The following ELAVL4 variants were observed in gnomAD, a reference collection of about 807,000 sequenced individuals.
ELAVL4 encodes ELAV-like protein 4.
ELAVL4 carries 1 observed loss-of-function variant against 35.6 expected under a neutral mutation model. That is an observed-to-expected ratio of 0.03 (90% CI 0.01 to 0.13). The LOEUF is 0.13. Ranked by LOEUF, ELAVL4 falls within the 10% of genes least tolerant of loss-of-function variation. The pLI is 1.00. For missense variants in ELAVL4, 267 were observed against 464.9 expected (o/e 0.57, Z 3.91); for synonymous variants, 156 against 171.0 (o/e 0.91, Z 0.69).
chr1:50,190,832 T>G (rs1682554367), intron 3 of ELAVL4, among the ~76,000 whole-genome samples: 1 of 152,232 alleles, frequency 6.6e-6, no homozygotes, highest in South Asian at 2.1e-4. Context: ...ATGCATTTAT[T>G]GGGTGCCAGG....
intron 2 of ELAVL4, among the ~76,000 whole-genome samples, chr1:50,169,400 C>A (rs981998839): frequency 6.6e-6 from 1 of 152,114 alleles, no homozygotes; most frequent in Non-Finnish European, 1.5e-5. Flanking sequence ...TATTTAAAAA[C>A]CATCATACCT....
chr1:50,088,809 C>T (rs1257303741), intron 1 of ELAVL4, among the ~76,000 whole-genome samples: 2 of 152,188 alleles, frequency 1.3e-5, no homozygotes, highest in Non-Finnish European at 2.9e-5. Context: ...CACAGCCAGT[C>T]AGCACCTCTC....
chr1:50,076,432 T>G (rs1447665512), intron 1 of ELAVL4, among the ~76,000 whole-genome samples: 1 of 152,270 alleles, frequency 6.6e-6, no homozygotes, highest in Non-Finnish European at 1.5e-5. Flanking sequence ...GATCTCTTAC[T>G]GTGCTTACTT....
intron 1 of ELAVL4, among the ~76,000 whole-genome samples, chr1:50,068,127 G>C (rs892231764): frequency 6.6e-6 from 1 of 152,148 alleles, no homozygotes; most frequent in Non-Finnish European, 1.5e-5. Flanking sequence ...TCATCATTAA[G>C]TGCTGTAAGG....
chr1:50,132,233 C>A (rs1670983191), intron 1 of ELAVL4, among the ~76,000 whole-genome samples: 1 of 152,150 alleles, frequency 6.6e-6, no homozygotes. Context: ...TTGACAGTGT[C>A]ATACATTCAC....
rs141612614 is a variant in ELAVL4, at chr1:50,049,662, A to G, written c.18+1480A>G. Among the ~76,000 whole-genome samples, 26 of 152,284 alleles carry G rather than the reference A, an allele frequency of 1.7e-4. No individual in the cohort carries two copies. In the East Asian group the frequency reaches 2.9e-3, roughly 17 times the overall value. Reference sequence around the variant, plus strand: ...TGTGGCACTGTGGCTTATGGGGTCAACCATGAGCAAGTGGATGGCTGGATT... The same window carrying G: ...TGTGGCACTGTGGCTTATGGGGTCAGCCATGAGCAAGTGGATGGCTGGATT... On this transcript the variant is annotated intron_variant, in intron 1 of 6. Coordinates refer to the ELAVL4 transcript ENST00000448907.
intron 1 of ELAVL4, among the ~76,000 whole-genome samples, chr1:50,134,719 G>A (rs763921247): frequency 1.3e-5 from 2 of 152,098 alleles, no homozygotes; most frequent in East Asian, 1.9e-4. Flanking sequence ...AAGGAGAACC[G>A]AATTGTGGGG....
intron 1 of ELAVL4, among the ~76,000 whole-genome samples, chr1:50,055,274 G>T (rs944061044): frequency 1.4e-4 from 21 of 145,708 alleles, no homozygotes; most frequent in Admixed American, 8.9e-4. Context: ...AATTTGTTTT[G>T]TTTTTTTTTT....
upstream of ELAVL4, chr1:50,106,413 G>A (rs748218814): frequency 3.8e-6 from 6 of 1,595,424 alleles, no homozygotes; most frequent in East Asian, 8.9e-5. Flanking sequence ...ATACAGCGGC[G>A]CTGGCAGCCC....
chr1:50,183,755 G>A (rs184545320), intron 3 of ELAVL4, among the ~76,000 whole-genome samples: 2 of 152,026 alleles, frequency 1.3e-5, no homozygotes, highest in Non-Finnish European at 2.9e-5. Context: ...CCTCCATTCC[G>A]CTGAGGCATC....
intron 1 of ELAVL4, chr1:50,109,517 G>A: frequency 2.8e-6 from 1 of 362,388 alleles, no homozygotes; most frequent in South Asian, 5.5e-5. Flanking sequence ...GCAAAAGAAG[G>A]GTTTTCTTTT....
exon 1 of ELAVL4, chr1:50,048,124 C>A (rs745666662): frequency 6.7e-7 from 1 of 1,503,180 alleles, no homozygotes; most frequent in Non-Finnish European, 8.9e-7. Flanking sequence ...TCCGCCCCAC[C>A]CAGCCTCCGC....
chr1:50,161,938 T>C (rs1039179287), intron 2 of ELAVL4, among the ~76,000 whole-genome samples: 10 of 152,254 alleles, frequency 6.6e-5, no homozygotes, highest in Non-Finnish European at 1.3e-4. Flanking sequence ...GTCTTTCTGC[T>C]TTTGGGACTG....
intron 1 of ELAVL4, among the ~76,000 whole-genome samples, chr1:50,121,028 CT>C (rs1668943792): frequency 6.6e-6 from 1 of 152,058 alleles, no homozygotes; most frequent in Non-Finnish European, 1.5e-5. Flanking sequence ...ATGTCAAATC[CT>C]CTCTTACTTC....
chr1:50,191,181 A>G (rs1377954282), intron 3 of ELAVL4, among the ~76,000 whole-genome samples: 2 of 152,170 alleles, frequency 1.3e-5, no homozygotes, highest in Non-Finnish European at 2.9e-5. Flanking sequence ...CTTTACAGCA[A>G]GAGACTATGC....
chr1:50,127,317 G>A (rs1021747934), intron 1 of ELAVL4, among the ~76,000 whole-genome samples: 2 of 152,102 alleles, frequency 1.3e-5, no homozygotes, highest in Admixed American at 6.6e-5. Flanking sequence ...TCAGTGGGGA[G>A]ACAGGCAGGT....
intron 2 of ELAVL4, among the ~76,000 whole-genome samples, chr1:50,153,602 C>G (rs1675185189): frequency 6.6e-6 from 1 of 152,158 alleles, no homozygotes; most frequent in South Asian, 2.1e-4. Context: ...AGCGAGCCTT[C>G]AACTTGGCCC....
At chr1:50,188,196 G>A (rs1380577908) in intron 3 of ELAVL4, among the ~76,000 whole-genome samples, 1 of 152,126 alleles carries the variant, frequency 6.6e-6, no homozygotes, top group Non-Finnish European at 1.5e-5. Flanking sequence ...CGGCTGTCTT[G>A]GATCATGCCA....
At chr1:50,121,810 G>A (rs577527523) in intron 1 of ELAVL4, among the ~76,000 whole-genome samples, 4 of 152,190 alleles carry the variant, frequency 2.6e-5, no homozygotes, top group East Asian at 3.9e-4. Context: ...CATGATATAT[G>A]TTGGGGCTCT....
Sources: gnomAD v4.1 joint callset for allele counts (sites outside exome capture counted in the v4.1 genomes callset) on GRCh38, gnomAD v4.1.1 for gene constraint, MANE v1.5 for transcripts, NCBI Gene and HGNC (gene_info 2026-07-23, HGNC 2026-07-21) for gene names.